The following ATL1 variants were observed in gnomAD, a reference collection of about 807,000 sequenced individuals.
ATL1 encodes the protein atlastin-1.
In ATL1, 31 loss-of-function variants were observed where a neutral mutation model predicts 75.5. That is an observed-to-expected ratio of 0.41 (90% CI 0.31 to 0.55). ATL1 has a LOEUF of 0.55. Among genes scored for constraint, ATL1 ranks in the 20% least tolerant of loss-of-function variants. The probability of loss-of-function intolerance (pLI) is 0.27; values close to 1 mark genes in which losing one functional copy is unlikely to be tolerated. For synonymous variants in ATL1, 226 were observed against 233.3 expected (o/e 0.97, Z 0.28); for missense variants, 405 against 662.6 (o/e 0.61, Z 4.27).
intron 8 of ATL1, 149 bp from the exon 9 acceptor site, chr14:50,620,450 A>G (rs2039456719): frequency 1.3e-6 from 1 of 748,690 alleles, no homozygotes; most frequent in Non-Finnish European, 2.1e-6. Flanking sequence ...TGAGAAGAGC[A>G]GGTTTCAGGA....
At chr14:50,550,955 CA>C (rs1485997716) in intron 1 of ATL1, among the ~76,000 whole-genome samples, 2 of 151,878 alleles carry the variant, frequency 1.3e-5, no homozygotes, top group Admixed American at 1.3e-4. Flanking sequence ...TGAAAGAGCA[CA>C]AATAGACAAC....
Position 50,567,779 on chromosome 14 carries a change from A to G in ATL1, c.34+7480A>G, listed in dbSNP as rs942171028. Among the ~76,000 whole-genome samples the G allele has an allele frequency of 5.3e-5, 8 of 152,172 alleles. 1 individual carries two copies. The highest frequency in any genetic ancestry group is 1.7e-4 in the African/African-American group (7 of 41,452). On this transcript the variant is annotated intron_variant, in intron 1 of 13. Coordinates refer to ENST00000358385, the MANE Select transcript of ATL1 (RefSeq NM_015915.5). ...AGAGTGTGTTGTTTAATTGCCACAA[A>G]TTTGTGAATTTTCCAGTTTTCATTC...
At chr14:50,628,874 C>T (rs1197778308) in intron 12 of ATL1, among the ~76,000 whole-genome samples, 2 of 151,978 alleles carry the variant, frequency 1.3e-5, no homozygotes, top group Non-Finnish European at 2.9e-5. Context: ...ATACCACCAT[C>T]CCCAGCTAAG....
upstream of ATL1, among the ~76,000 whole-genome samples, chr14:50,558,321 T>C (rs1194555437): frequency 2.0e-5 from 3 of 152,186 alleles, no homozygotes; most frequent in Non-Finnish European, 4.4e-5. Context: ...ATCACGCCAC[T>C]GCACTCCGGC....
At chr14:50,602,045 G>C (rs1219267024) in intron 6 of ATL1, among the ~76,000 whole-genome samples, 2 of 152,154 alleles carry the variant, frequency 1.3e-5, no homozygotes, top group African/African-American at 4.8e-5. Context: ...TCTGTATTGG[G>C]ATGATCACAT....
At chr14:50,547,096 G>T (rs2038643542) in intron 1 of ATL1, among the ~76,000 whole-genome samples, 1 of 152,146 alleles carries the variant, frequency 6.6e-6, no homozygotes, top group East Asian at 1.9e-4. Context: ...TTTTACTTAG[G>T]TGAACATCTT....
chr14:50,567,176 T>G (rs1010495088), intron 1 of ATL1, among the ~76,000 whole-genome samples: 1 of 152,244 alleles, frequency 6.6e-6, no homozygotes, highest in African/African-American at 2.4e-5. Context: ...TTTCTTTCAC[T>G]ATGACTTTGA....
chr14:50,554,060 A>G (rs2038736214), intron 1 of ATL1, among the ~76,000 whole-genome samples: 1 of 152,074 alleles, frequency 6.6e-6, no homozygotes, highest in East Asian at 1.9e-4. Context: ...GAACTTATTA[A>G]TGTAACAAAA....
At chr14:50,544,814 A>G (rs960295813) in intron 1 of ATL1, among the ~76,000 whole-genome samples, 5 of 151,790 alleles carry the variant, frequency 3.3e-5, no homozygotes, top group African/African-American at 1.2e-4. Context: ...GCATGACGCT[A>G]TAAATGCAGC....
At chr14:50,562,205 C>T (rs1184526428) in intron 1 of ATL1, among the ~76,000 whole-genome samples, 2 of 152,038 alleles carry the variant, frequency 1.3e-5, no homozygotes, top group African/African-American at 4.8e-5. Flanking sequence ...CCACCGTGCC[C>T]GGCTAATTTT....
chr14:50,599,341 G>A (rs2140213672), intron 6 of ATL1, among the ~76,000 whole-genome samples: 1 of 152,214 alleles, frequency 6.6e-6, no homozygotes, highest in South Asian at 2.1e-4. Context: ...CTGATAATTA[G>A]ATAAATATTA....
chr14:50,579,497 TA>T (rs1391184871), intron 1 of ATL1, among the ~76,000 whole-genome samples: 1 of 152,196 alleles, frequency 6.6e-6, no homozygotes, highest in Non-Finnish European at 1.5e-5. Flanking sequence ...TTAATTTGCA[TA>T]ATAAAGATTT....
intron 6 of ATL1, among the ~76,000 whole-genome samples, chr14:50,611,762 GAC>G (rs1205627498): frequency 6.6e-6 from 1 of 152,110 alleles, no homozygotes; most frequent in Non-Finnish European, 1.5e-5. Context: ...AAATTAAAAA[GAC>G]AGAGAATATC....
chr14:50,545,030 C>T (rs114008439), intron 1 of ATL1, among the ~76,000 whole-genome samples: 2,141 of 151,532 alleles, frequency 0.014, 41 homozygotes, highest in African/African-American at 0.049. Flanking sequence ...TGCTTGAACT[C>T]GGAAGGCCAG....
chr14:50,561,160 G>C (rs955897478), intron 1 of ATL1: 1 of 152,250 alleles, frequency 6.6e-6, no homozygotes, highest in Non-Finnish European at 1.5e-5. Flanking sequence ...GGAGAAGAAC[G>C]GGCGCAGCGA....
intron 1 of ATL1, among the ~76,000 whole-genome samples, chr14:50,534,463 G>T (rs1400541740): frequency 1.3e-5 from 2 of 152,198 alleles, no homozygotes; most frequent in African/African-American, 2.4e-5. Context: ...GAAACTGAAT[G>T]CCCAGTTTGA....
At chr14:50,536,128 C>T (rs1595561899) in intron 1 of ATL1, among the ~76,000 whole-genome samples, 1 of 152,188 alleles carries the variant, frequency 6.6e-6, no homozygotes, top group Non-Finnish European at 1.5e-5. Flanking sequence ...TTGTCTTTAT[C>T]AGCAGCATGA....
chr14:50,608,138 T>C (rs2039332217), intron 6 of ATL1, among the ~76,000 whole-genome samples: 1 of 152,148 alleles, frequency 6.6e-6, no homozygotes, highest in Admixed American at 6.6e-5. Flanking sequence ...TGGCTTCATA[T>C]GTTTTTATCT....
chr14:50,592,744 T>C (rs1466203471), intron 4 of ATL1, among the ~76,000 whole-genome samples: 1 of 150,860 alleles, frequency 6.6e-6, no homozygotes. Context: ...ACCCCGTCTC[T>C]ACTAAAAATA....
Sources: allele counts gnomAD v4.1 joint callset (sites outside exome capture counted in the v4.1 genomes callset), GRCh38; gene constraint gnomAD v4.1.1; transcripts MANE v1.5; gene names NCBI Gene and HGNC (gene_info 2026-07-23, HGNC 2026-07-21).